Variants in CCDC170 observed in about 807,000 individuals in gnomAD.
CCDC170 encodes the protein coiled-coil domain containing 170.
CCDC170 carries 69 observed loss-of-function variants against 72.6 expected under a neutral mutation model. The observed-to-expected ratio is 0.95, with a 90% CI of 0.78 to 1.16. The LOEUF (loss-of-function observed/expected upper bound fraction) is 1.16. Among genes scored for constraint, CCDC170 ranks in the 50% most tolerant of loss-of-function variants. CCDC170 has a pLI of 0.00. For missense variants in CCDC170, 852 were observed against 832.5 expected (o/e 1.02, Z -0.29); for synonymous variants, 300 against 303.9 (o/e 0.99, Z 0.13).
intron 5 of CCDC170, among the ~76,000 whole-genome samples, chr6:151,572,423 A>G (rs1047986930): frequency 6.6e-6 from 1 of 152,244 alleles, no homozygotes; most frequent in Non-Finnish European, 1.5e-5. Flanking sequence ...GTGCCTAGCT[A>G]GGACTCTGAG....
At chr6:151,565,790 G>A (rs1407566481) in intron 5 of CCDC170, among the ~76,000 whole-genome samples, 1 of 152,086 alleles carries the variant, frequency 6.6e-6, no homozygotes, top group Non-Finnish European at 1.5e-5. Context: ...TTCTGTACAT[G>A]TAACTAAGTC....
chr6:151,609,114 G>A (rs12663827), intron 9 of CCDC170, among the ~76,000 whole-genome samples: 11,045 of 152,204 alleles, frequency 0.073, 555 homozygotes, highest in East Asian at 0.29. Context: ...CTGAATTCCA[G>A]TGTTCCTCCC....
chr6:151,584,447 T>C (rs1038941285), intron 6 of CCDC170, among the ~76,000 whole-genome samples: 2 of 152,182 alleles, frequency 1.3e-5, no homozygotes, highest in Non-Finnish European at 2.9e-5. Flanking sequence ...AAAATGTTAA[T>C]TAAGAATTTC....
At position 151,551,771 on chromosome 6, in the gene CCDC170, G is replaced by T. The variant is rs555814408; in HGVS notation, c.774+3282G>T. On this transcript the variant is annotated intron_variant, in intron 5 of 10. Transcript: ENST00000239374. ...GACTGCAGCCCTGCTCAACAGGTTG[G>T]CCCTAACCTTAGGAGAGCCCCTGAG... Among the ~76,000 whole-genome samples, 10 of 152,274 alleles carry T rather than the reference G, an allele frequency of 6.6e-5. No homozygotes were observed. In the South Asian group the frequency reaches 2.1e-3, roughly 32 times the overall value.
At chr6:151,536,252 C>G in intron 1 of CCDC170, 66 bp from the exon 2 acceptor site, 1 of 1,573,208 alleles carries the variant, frequency 6.4e-7, no homozygotes, top group Non-Finnish European at 8.7e-7. Context: ...TGGCTTTGTG[C>G]AGCTGCACGG....
intron 9 of CCDC170, among the ~76,000 whole-genome samples, chr6:151,610,398 G>C (rs575963109): frequency 1.3e-5 from 2 of 152,132 alleles, no homozygotes; most frequent in Non-Finnish European, 2.9e-5. Context: ...GGCAGGAATA[G>C]TATAATGGAT....
At chr6:151,511,185 A>G (rs1416404891) in intron 1 of CCDC170, among the ~76,000 whole-genome samples, 1 of 152,130 alleles carries the variant, frequency 6.6e-6, no homozygotes, top group Non-Finnish European at 1.5e-5. Flanking sequence ...CTTTGCTTCT[A>G]AGTTTTTGTC....
At chr6:151,517,470 G>A (rs1782252532) in intron 1 of CCDC170, among the ~76,000 whole-genome samples, 1 of 141,018 alleles carries the variant, frequency 7.1e-6, no homozygotes, top group Admixed American at 7.4e-5. Flanking sequence ...GTCCTGCACT[G>A]TCACCCAGGC....
intron 10 of CCDC170, 104 bp from the exon 11 acceptor site, chr6:151,617,843 T>C: frequency 2.8e-6 from 3 of 1,079,644 alleles, no homozygotes; most frequent in South Asian, 1.6e-5. Context: ...CCCTACCTCA[T>C]GCAAACCTGG....
intron 1 of CCDC170, among the ~76,000 whole-genome samples, chr6:151,502,858 C>G (rs923918539): frequency 4.6e-5 from 7 of 152,134 alleles, no homozygotes; most frequent in African/African-American, 7.2e-5. Context: ...CTTTTAGATA[C>G]GGTCCCCCTT....
At chr6:151,523,701 A>G (rs1200478097) in intron 1 of CCDC170, among the ~76,000 whole-genome samples, 5 of 150,006 alleles carry the variant, frequency 3.3e-5, no homozygotes, top group Non-Finnish European at 7.4e-5. Flanking sequence ...AAAAAAAAAA[A>G]TCATTGAATT....
intron 7 of CCDC170, among the ~76,000 whole-genome samples, chr6:151,589,386 C>T (rs1441907595): frequency 2.0e-5 from 3 of 152,176 alleles, no homozygotes; most frequent in Non-Finnish European, 2.9e-5. Flanking sequence ...CTGCATGGTC[C>T]GTGAACACCA....
chr6:151,533,321 T>TG (rs1782522348), intron 1 of CCDC170, among the ~76,000 whole-genome samples: 1 of 151,720 alleles, frequency 6.6e-6, no homozygotes, highest in Non-Finnish European at 1.5e-5. Context: ...CCCAAAGTGC[T>TG]GGGATTACAG....
intron 7 of CCDC170, among the ~76,000 whole-genome samples, chr6:151,589,677 T>G (rs895218994): frequency 6.6e-6 from 1 of 152,180 alleles, no homozygotes; most frequent in African/African-American, 2.4e-5. Context: ...GTGCCTCAGA[T>G]TTACTCTCTT....
intron 1 of CCDC170, among the ~76,000 whole-genome samples, chr6:151,500,894 G>C (rs369012336): frequency 6.6e-6 from 1 of 152,084 alleles, no homozygotes; most frequent in South Asian, 2.1e-4. Context: ...CAAAAATTTG[G>C]TAAGAGAGCT....
In CCDC170 at chr6:151,608,419, T is replaced by G. The variant is rs376789444; in HGVS notation, c.1711-7024T>G. ...CCTACATTTGTATCTGTACATCTGT[T>G]GAAACAAACACTTCTTCCAATTTTA... On this transcript the variant is annotated intron_variant, in intron 9 of 10. Transcript: ENST00000239374. 4.7e-4 allele frequency among the ~76,000 whole-genome samples: 71 copies of G among 152,360 alleles called. 1 individual carries two copies. The South Asian group carries it at 0.014, about 31-fold the overall frequency.
intron 1 of CCDC170, among the ~76,000 whole-genome samples, chr6:151,519,667 C>T (rs148518901): frequency 1.9e-3 from 295 of 152,282 alleles, no homozygotes; most frequent in African/African-American, 6.2e-3. Flanking sequence ...TGGCTCCAGC[C>T]GGTCCCTCCG....
chr6:151,525,752 C>T (rs1396755620), intron 1 of CCDC170, among the ~76,000 whole-genome samples: 1 of 152,170 alleles, frequency 6.6e-6, no homozygotes, highest in Non-Finnish European at 1.5e-5. Context: ...TCTCTTCATA[C>T]AGATGTGCAT....
chr6:151,507,392 A>G (rs1406629082), intron 1 of CCDC170, among the ~76,000 whole-genome samples: 1 of 152,222 alleles, frequency 6.6e-6, no homozygotes, highest in Non-Finnish European at 1.5e-5. Flanking sequence ...AGAATTTTTC[A>G]AATTTACCAT....
Sources: gnomAD v4.1 joint callset for allele counts (sites outside exome capture counted in the v4.1 genomes callset) on GRCh38, gnomAD v4.1.1 for gene constraint, MANE v1.5 for transcripts, NCBI Gene and HGNC (gene_info 2026-07-23, HGNC 2026-07-21) for gene names.